CBX3: variants seen among roughly 807,000 people sequenced by gnomAD.
The protein encoded by CBX3 is chromobox 3, also known as chromobox protein homolog 3.
In CBX3, 5 loss-of-function variants were observed where a neutral mutation model predicts 22.6. The ratio of observed to expected loss-of-function variants is 0.22; its 90% CI spans 0.12 to 0.47. The LOEUF is 0.47. CBX3 is among the 20% of genes least tolerant of loss of function. CBX3 has a pLI of 0.99. For synonymous variants in CBX3, 50 were observed against 66.6 expected (o/e 0.75, Z 1.21); for missense variants, 83 against 208.1 (o/e 0.40, Z 3.70).
chr7:26,202,746 T>A (rs1411341416), intron 1 of CBX3: 3 of 509,220 alleles, frequency 5.9e-6, no homozygotes, highest in Non-Finnish European at 6.9e-6. Flanking sequence ...TGAAGCTGTT[T>A]TAGGTACCAG....
chr7:26,203,888 T>G (rs1487420762), intron 2 of CBX3, among the ~76,000 whole-genome samples: 1 of 152,196 alleles, frequency 6.6e-6, no homozygotes, highest in Non-Finnish European at 1.5e-5. Context: ...TACCCTGCAT[T>G]AGATTCTGCA....
chr7:26,207,127 G>T (rs777744293), intron 3 of CBX3, among the ~76,000 whole-genome samples: 4 of 152,156 alleles, frequency 2.6e-5, no homozygotes, highest in Admixed American at 1.3e-4. Context: ...ACACCACAAA[G>T]CTCCATAGGC....
rs764324873 is a variant in CBX3 at position 26,212,385 on chromosome 7, T to A, written c.*177T>A. 3.7e-6 allele frequency: 1 copy of A among 273,732 alleles called. No individual in the cohort carries two copies. Among genetic ancestry groups the A allele is most frequent in the Non-Finnish European group, 6.7e-6 (1 of 149,814 alleles). 17.0% of individuals were successfully genotyped at this position (273,732 alleles called of 1,614,324 possible). On this transcript the variant is annotated 3_prime_UTR_variant, in exon 6 of 6. Transcript: ENST00000396386. ...GGTTTTTTGCATCCATAGCACTGGT[T>A]ACTTTGAACAAATAAATAAAAGCTT... is the stretch of plus-strand genomic sequence containing the variant.
intron 2 of CBX3, among the ~76,000 whole-genome samples, chr7:26,204,422 T>C (rs537520116): frequency 6.6e-6 from 1 of 152,338 alleles, no homozygotes. Flanking sequence ...TCTTGTACTG[T>C]ACAGTGGCAG....
intron 5 of CBX3, 99 bp downstream of exon 5, chr7:26,211,855 C>A: frequency 2.1e-6 from 2 of 941,856 alleles, no homozygotes; most frequent in Non-Finnish European, 3.2e-6. Context: ...AAACTATCTG[C>A]TGAGAGGATG....
At chr7:26,203,918 G>A (rs776523488) in intron 2 of CBX3, among the ~76,000 whole-genome samples, 2 of 152,128 alleles carry the variant, frequency 1.3e-5, no homozygotes, top group African/African-American at 2.4e-5. Flanking sequence ...GTTTACCCTG[G>A]AAAACAGAAG....
chr7:26,201,580 G>T (rs1356401974), upstream of CBX3: 2 of 150,844 alleles, frequency 1.3e-5, no homozygotes, highest in East Asian at 2.0e-4. Flanking sequence ...CGCGGTCGTC[G>T]GCGCCTCCGC....
At chr7:26,209,093 G>A (rs10279653) in intron 4 of CBX3, among the ~76,000 whole-genome samples, 1 of 151,136 alleles carries the variant, frequency 6.6e-6, no homozygotes, top group Admixed American at 6.6e-5. Context: ...ATTTAGTAGA[G>A]ACGGGGTTTC....
intron 2 of CBX3, among the ~76,000 whole-genome samples, chr7:26,205,873 G>T (rs1448239804): frequency 6.6e-6 from 1 of 152,168 alleles, no homozygotes; most frequent in South Asian, 2.1e-4. Context: ...ATCACTTCAG[G>T]TCAGGAGTTT....
At position 26,212,402 on chromosome 7, in the gene CBX3, T is replaced by TAA. The variant is rs1784823409; in HGVS notation, c.*197_*198dup. ...GCACTGGTTACTTTGAACAAATAAA[T>TAA]AAAAGCTTTCTGTAGTTGCTTCCTT... On this transcript the variant is annotated 3_prime_UTR_variant, in exon 6 of 6. Coordinates refer to ENST00000396386, the MANE Select transcript of CBX3 (RefSeq NM_016587.4). The TAA allele has an allele frequency of 4.2e-6, 1 of 239,058 alleles. No individual in the cohort carries two copies. The highest frequency in any genetic ancestry group is 8.1e-6 in the Non-Finnish European group (1 of 124,002). The allele number at this position is 239,058 out of a possible 1,614,324, so 14.8% of individuals were successfully genotyped here. A position where few individuals can be genotyped will look rare whatever the true frequency, so the allele number is the denominator to read the frequency against.
chr7:26,204,793 T>C (rs2128136879), intron 2 of CBX3, among the ~76,000 whole-genome samples: 1 of 152,160 alleles, frequency 6.6e-6, no homozygotes, highest in East Asian at 1.9e-4. Flanking sequence ...GGTTTTTTGT[T>C]TTTGTGTTTT....
intron 2 of CBX3, among the ~76,000 whole-genome samples, chr7:26,203,333 A>G (rs191785721): frequency 1.3e-5 from 2 of 152,348 alleles, no homozygotes; most frequent in East Asian, 1.9e-4. Flanking sequence ...GTTACATAAA[A>G]TGGTAAAGCC....
At position 26,208,621 on chromosome 7, in the gene CBX3, T is replaced by C. The variant is rs1416227821; in HGVS notation, c.330+66T>C. ...AAGGTTGATGGCTTGATTTCTTTTT[T>C]GTTTGTTTGTTTTTTTGAGATGGAG... On this transcript the variant is annotated intron_variant, in intron 4 of 5. Transcript: ENST00000396386. 3.5e-6 allele frequency: 5 copies of C among 1,448,290 alleles called. No individual in the cohort carries two copies. The Admixed American group carries it at 6.0e-5, about 17-fold the overall frequency. 89.7% of individuals were successfully genotyped at this position (1,448,290 alleles called of 1,614,324 possible).
In CBX3 at chr7:26,202,979, C is replaced by A; in HGVS notation, c.-20C>A. 1 of 1,602,184 alleles carries A rather than the reference C, an allele frequency of 6.2e-7. No individual in the cohort carries two copies. The highest frequency in any genetic ancestry group is 8.5e-7 in the Non-Finnish European group (1 of 1,169,796). Reference sequence around the variant, plus strand: ...GTCATGCATTTTTCTAGTAATAGCTCTTCAAGTCTGCAATAAAAAATGGCC... The same window carrying A: ...GTCATGCATTTTTCTAGTAATAGCTATTCAAGTCTGCAATAAAAAATGGCC... On this transcript the variant is annotated 5_prime_UTR_variant, in exon 2 of 6. Coordinates refer to ENST00000396386, the MANE Select transcript of CBX3 (RefSeq NM_016587.4).
intron 5 of CBX3, 45 bp downstream of exon 5, chr7:26,211,801 T>C: frequency 7.4e-7 from 1 of 1,359,124 alleles, no homozygotes. Flanking sequence ...GAGTAGCTTT[T>C]TTTTTTTAAT....
At chr7:26,205,326 G>A (rs971223897) in intron 2 of CBX3, among the ~76,000 whole-genome samples, 4 of 152,248 alleles carry the variant, frequency 2.6e-5, no homozygotes, top group Middle Eastern at 3.4e-3. Flanking sequence ...AGTGAATTTG[G>A]TTACCAGTAT....
chr7:26,206,159 T>A, intron 2 of CBX3: 2 of 465,408 alleles, frequency 4.3e-6, no homozygotes, highest in Non-Finnish European at 7.5e-6. Context: ...ATTTTGGTGG[T>A]GGGTTGTAAG....
Position 26,202,951 on chromosome 7 carries a change from A to C in CBX3, c.-28-20A>C. 2 of 1,516,932 alleles carry C rather than the reference A, an allele frequency of 1.3e-6. No homozygotes were observed. The highest frequency in any genetic ancestry group is 1.8e-6 in the Non-Finnish European group (2 of 1,094,190). 94.0% of individuals were successfully genotyped at this position (1,516,932 alleles called of 1,614,324 possible). A position where few individuals can be genotyped will look rare whatever the true frequency, so the allele number is the denominator to read the frequency against. On this transcript the variant is annotated intron_variant, in intron 1 of 5. Transcript: ENST00000396386. ...TTTTGTGTCATGCAAACTTACCTTAACTGTCATGCATTTTTCTAGTAATAG... is the reference window on the plus strand; with the variant it reads ...TTTTGTGTCATGCAAACTTACCTTACCTGTCATGCATTTTTCTAGTAATAG...
chr7:26,205,787 G>T (rs1346262396), intron 2 of CBX3, among the ~76,000 whole-genome samples: 3 of 152,044 alleles, frequency 2.0e-5, no homozygotes, highest in Non-Finnish European at 4.4e-5. Flanking sequence ...AGTAAACTTG[G>T]TCTTTTAAGA....
Sources: gnomAD v4.1 joint callset for allele counts (sites outside exome capture counted in the v4.1 genomes callset) on GRCh38, gnomAD v4.1.1 for gene constraint, MANE v1.5 for transcripts, NCBI Gene and HGNC (gene_info 2026-07-23, HGNC 2026-07-21) for gene names.